The following CSMD1 variants were observed in gnomAD, a reference collection of about 807,000 sequenced individuals.
CSMD1 encodes CUB and Sushi multiple domains 1.
Under a neutral mutation model 417.5 loss-of-function variants are expected in CSMD1, and 213 were observed. The observed-to-expected ratio is 0.51, with a 90% CI of 0.46 to 0.57. The LOEUF (loss-of-function observed/expected upper bound fraction) is 0.57. Ranked by LOEUF, CSMD1 falls within the 20% of genes least tolerant of loss-of-function variation. The pLI is 0.00. For synonymous variants in CSMD1, 2,862 were observed against 1,736.8 expected (o/e 1.65, Z -16.11); for missense variants, 6,923 against 4,529.7 (o/e 1.53, Z -15.17).
At chr8:3,241,461 G>A (rs989632476) in intron 26 of CSMD1, among the ~76,000 whole-genome samples, 1 of 152,170 alleles carries the variant, frequency 6.6e-6, no homozygotes, top group South Asian at 2.1e-4. Flanking sequence ...CTTCCGAGGT[G>A]ATCTGGCAGT....
chr8:4,201,751 G>T (rs1160892056), intron 3 of CSMD1, among the ~76,000 whole-genome samples: 1 of 152,050 alleles, frequency 6.6e-6, no homozygotes, highest in South Asian at 2.1e-4. Context: ...TGGATACATG[G>T]ACTCTTGAGA....
intron 5 of CSMD1, among the ~76,000 whole-genome samples, chr8:3,896,108 G>C (rs1807342574): frequency 6.6e-6 from 1 of 152,238 alleles, no homozygotes; most frequent in East Asian, 1.9e-4. Flanking sequence ...TTCCTGATGG[G>C]CCCATTCTTG....
Position 4,957,908 on chromosome 8 carries a change from T to C in CSMD1, c.85+36424A>G, listed in dbSNP as rs142768025. On this transcript the variant is annotated intron_variant, in intron 1 of 69. Coordinates refer to ENST00000635120, the MANE Select transcript of CSMD1 (RefSeq NM_033225.6). ...TGTGGATTGATAAAGCTGGTGTCTG[T>C]AAGGAGAAGTATTTTAGTCATTTAC... 6.9e-3 allele frequency among the ~76,000 whole-genome samples: 1,045 copies of C among 152,338 alleles called. 5 individuals carry two copies. Among genetic ancestry groups the C allele is most frequent in the Non-Finnish European group, 9.5e-3 (643 of 68,034 alleles).
At chr8:3,686,827 C>T (rs1173354658) in intron 7 of CSMD1, among the ~76,000 whole-genome samples, 2 of 152,222 alleles carry the variant, frequency 1.3e-5, no homozygotes, top group East Asian at 3.9e-4. Context: ...TCCCAGGCCA[C>T]ATGAAATTTG....
At chr8:4,625,505 A>AT (rs1354181593) in intron 2 of CSMD1, among the ~76,000 whole-genome samples, 1 of 151,954 alleles carries the variant, frequency 6.6e-6, no homozygotes, top group East Asian at 1.9e-4. Context: ...TGTAAAGCAC[A>AT]TATGTTCCAC....
intron 2 of CSMD1, among the ~76,000 whole-genome samples, chr8:4,533,772 T>TAAA (rs1035334825): frequency 6.6e-6 from 1 of 151,876 alleles, no homozygotes; most frequent in African/African-American, 2.4e-5. Context: ...AGTATTTTAA[T>TAAA]AAAAGTACAC....
chr8:4,759,653 G>C (rs1163208323), intron 1 of CSMD1, among the ~76,000 whole-genome samples: 2 of 152,124 alleles, frequency 1.3e-5, no homozygotes, highest in Non-Finnish European at 2.9e-5. Flanking sequence ...TTATAAGTGA[G>C]AATATGTGGT....
chr8:3,251,276 A>C (rs1266078918), intron 26 of CSMD1, among the ~76,000 whole-genome samples: 3 of 152,176 alleles, frequency 2.0e-5, no homozygotes, highest in Non-Finnish European at 4.4e-5. Context: ...TCAGCTTTCT[A>C]CATATGGCTA....
intron 54 of CSMD1, among the ~76,000 whole-genome samples, chr8:2,985,979 A>AGGGGAAGGGGAAGGGGAAGGGGAG: frequency 8.7e-6 from 1 of 114,376 alleles, no homozygotes; most frequent in Non-Finnish European, 1.8e-5. Context: ...GGGAAGGGAA[A>AGGGGAAGGGGAAGGGGAAGGGGAG]GGGGAAGGGA....
intron 18 of CSMD1, among the ~76,000 whole-genome samples, chr8:3,385,608 G>A (rs959880855): frequency 1.3e-5 from 2 of 152,078 alleles, no homozygotes; most frequent in African/African-American, 4.8e-5. Flanking sequence ...TTTTATAAGA[G>A]TTTACTATTA....
chr8:3,737,834 A>G (rs1217306048), intron 6 of CSMD1, among the ~76,000 whole-genome samples: 1 of 152,248 alleles, frequency 6.6e-6, no homozygotes, highest in Non-Finnish European at 1.5e-5. Context: ...TAAAACTACC[A>G]AAACATAACC....
At chr8:4,176,643 T>C (rs1798061339) in intron 3 of CSMD1, among the ~76,000 whole-genome samples, 1 of 151,366 alleles carries the variant, frequency 6.6e-6, no homozygotes, top group South Asian at 2.1e-4. Context: ...GCAAATTGGA[T>C]AAAGAGTCAA....
chr8:4,157,170 G>C (rs770971779), intron 3 of CSMD1, among the ~76,000 whole-genome samples: 1 of 152,150 alleles, frequency 6.6e-6, no homozygotes, highest in Non-Finnish European at 1.5e-5. Flanking sequence ...ATCAGAAGAA[G>C]ATTTTGGGAC....
intron 3 of CSMD1, among the ~76,000 whole-genome samples, chr8:4,178,381 C>G (rs962875627): frequency 6.7e-6 from 1 of 150,260 alleles, no homozygotes; most frequent in African/African-American, 2.5e-5. Flanking sequence ...AATTCAACAA[C>G]CCTTCATGCT....
In CSMD1 at chr8:3,877,168, C is replaced by T. The variant is rs368533399; in HGVS notation, c.818+120735G>A. Among the ~76,000 whole-genome samples, 4 of 152,186 alleles carry T rather than the reference C, an allele frequency of 2.6e-5. No individual in the cohort carries two copies. The East Asian group carries it at 5.8e-4, about 22-fold the overall frequency. On this transcript the variant is annotated intron_variant, in intron 5 of 69. Transcript: ENST00000635120. The stretch of plus-strand genomic sequence containing the variant: ...CCCATCCCTTCCTCTACCTTTCCTA[C>T]AGGAGAAGTGACTTTTGGAAGAAGG...
chr8:4,306,024 T>C (rs1166135144), intron 3 of CSMD1, among the ~76,000 whole-genome samples: 1 of 152,220 alleles, frequency 6.6e-6, no homozygotes, highest in East Asian at 1.9e-4. Context: ...TCGGTGCATT[T>C]GCTGTAATTA....
intron 30 of CSMD1, among the ~76,000 whole-genome samples, chr8:3,212,077 G>C (rs1373047677): frequency 6.6e-6 from 1 of 152,126 alleles, no homozygotes; most frequent in East Asian, 1.9e-4. Flanking sequence ...GGAGACCTTG[G>C]TCTTGACCTG....
intron 7 of CSMD1, among the ~76,000 whole-genome samples, chr8:3,658,650 G>A (rs1252263671): frequency 6.6e-6 from 1 of 151,998 alleles, no homozygotes; most frequent in Middle Eastern, 3.4e-3. Context: ...GGGCGTGGTG[G>A]TGCGTGCCTG....
intron 46 of CSMD1, among the ~76,000 whole-genome samples, chr8:3,103,532 C>A (rs995161536): frequency 4.6e-5 from 7 of 151,946 alleles, no homozygotes; most frequent in Non-Finnish European, 2.9e-5. Context: ...ATGCGTGGCC[C>A]CGTAGTACTG....
Sources: allele counts gnomAD v4.1 joint callset (sites outside exome capture counted in the v4.1 genomes callset), GRCh38; gene constraint gnomAD v4.1.1; transcripts MANE v1.5; gene names NCBI Gene and HGNC (gene_info 2026-07-23, HGNC 2026-07-21).